Variants in FCHO2 observed in about 807,000 individuals in gnomAD.
The protein encoded by FCHO2 is F-BAR domain only protein 2.
Under a neutral mutation model 114.1 loss-of-function variants are expected in FCHO2, and 43 were observed. That is an observed-to-expected ratio of 0.38 (90% CI 0.30 to 0.49). The LOEUF (loss-of-function observed/expected upper bound fraction) is 0.49. Ranked by LOEUF, FCHO2 falls within the 20% of genes least tolerant of loss-of-function variation. The pLI, the probability that FCHO2 is intolerant of heterozygous loss-of-function variation, is 0.97. For missense variants in FCHO2, 807 were observed against 950.4 expected, an observed-to-expected ratio of 0.85 and a Z score of 1.98; for synonymous variants, 293 against 315.2, an observed-to-expected ratio of 0.93 and a Z score of 0.75.
chr5:73,015,323 C>T (rs1230003306), intron 6 of FCHO2, among the ~76,000 whole-genome samples: 4 of 151,142 alleles, frequency 2.6e-5, no homozygotes, highest in South Asian at 4.2e-4. Context: ...AGTGCAGTGG[C>T]GTGATCTGGG....
chr5:72,973,470 A>G (rs1342090745), intron 2 of FCHO2, among the ~76,000 whole-genome samples: 3 of 151,874 alleles, frequency 2.0e-5, no homozygotes, highest in Admixed American at 6.6e-5. Flanking sequence ...TTTCTTCTAG[A>G]TTTTCTAGTT....
At chr5:73,006,655 C>G in intron 6 of FCHO2, 106 bp downstream of exon 6, 1 of 695,426 alleles carries the variant, frequency 1.4e-6, no homozygotes, top group Non-Finnish European at 2.2e-6. Flanking sequence ...TTAAAATGCA[C>G]AATCTCAATT....
chr5:72,993,613 G>T (rs1335600708), intron 5 of FCHO2, among the ~76,000 whole-genome samples: 1 of 152,062 alleles, frequency 6.6e-6, no homozygotes, highest in Admixed American at 6.6e-5. Flanking sequence ...TCAATTGATG[G>T]TATTGTATAG....
At chr5:73,085,738 G>A (rs1027569158) in intron 24 of FCHO2, among the ~76,000 whole-genome samples, 1 of 151,536 alleles carries the variant, frequency 6.6e-6, no homozygotes, top group African/African-American at 2.4e-5. Context: ...TTGCACCACT[G>A]TATTCCAGCT....
In FCHO2 at chr5:72,990,789, G is replaced by C; in HGVS notation, c.420G>C (p.Lys140Asn). Residue 140 changes from lysine (K) to asparagine (N), a missense_variant, in exon 5 of 26, where the codon AAG (lysine) becomes AAC (asparagine). Transcript: ENST00000430046. ...TAACTCAGGCCCTCCAGAAATCCAA[G>C]GAAAATTACAATGCCAAGTGTGTAG... ...QSITQALQKS[K>N]ENYNAKCVEQ... 6.4e-7 allele frequency: 1 copy of C among 1,553,494 alleles called. No individual in the cohort carries two copies. The highest frequency in any genetic ancestry group is 8.7e-7 in the Non-Finnish European group (1 of 1,147,880).
chr5:73,028,468 C>T lies in FCHO2; in HGVS notation c.797-6189C>T, dbSNP rs138801208. On this transcript the variant is annotated intron_variant, in intron 8 of 25. Transcript: ENST00000430046. Reference sequence around the variant, plus strand: ...GTAGTAGCTCCAAACTGTAAACAACCCAAATGTCCATTAACAGATGAACGG... The same window carrying T: ...GTAGTAGCTCCAAACTGTAAACAACTCAAATGTCCATTAACAGATGAACGG... 3.5e-3 allele frequency among the ~76,000 whole-genome samples: 538 copies of T among 152,048 alleles called. 5 individuals carry two copies. The highest frequency in any genetic ancestry group is 0.013 in the African/African-American group (523 of 41,478).
intron 11 of FCHO2, among the ~76,000 whole-genome samples, chr5:73,046,247 A>C (rs935566661): frequency 2.6e-5 from 4 of 151,908 alleles, no homozygotes; most frequent in Non-Finnish European, 5.9e-5. Flanking sequence ...TTTATTTTTG[A>C]GTAGAGACAA....
In FCHO2 at chr5:72,963,902, G is replaced by GT. The variant is rs70973214; in HGVS notation, c.34-4569dup. Among the ~76,000 whole-genome samples, 423 of 95,698 alleles carry GT rather than the reference G, an allele frequency of 4.4e-3. 23 individuals are homozygous for GT. The highest frequency in any genetic ancestry group is 5.7e-3 in the African/African-American group (137 of 23,876). The allele number at this position is 95,698 out of a possible 152,430, so 62.8% of individuals were successfully genotyped here. A position where few individuals can be genotyped will look rare whatever the true frequency, so the allele number is the denominator to read the frequency against. On this transcript the variant is annotated intron_variant, in intron 1 of 25. Transcript: ENST00000430046. ...TTCCCATTTTGTATGGGAACTTTCA[G>GT]TTTTTTTTTTTTTTTTTTTTTTTTT...
At chr5:73,075,321 A>G (rs1297728326) in intron 20 of FCHO2, among the ~76,000 whole-genome samples, 1 of 152,294 alleles carries the variant, frequency 6.6e-6, no homozygotes, top group Admixed American at 6.5e-5. Context: ...GTTGAAAGAC[A>G]TGGAGGAGCA....
At chr5:73,052,612 G>A in intron 13 of FCHO2, 105 bp downstream of exon 13, 1 of 890,668 alleles carries the variant, frequency 1.1e-6, no homozygotes, top group Non-Finnish European at 1.7e-6. Flanking sequence ...TGTTGACTGA[G>A]GAAATACTTA....
intron 2 of FCHO2, among the ~76,000 whole-genome samples, chr5:72,970,743 A>G (rs1752498360): frequency 6.6e-6 from 1 of 151,522 alleles, no homozygotes; most frequent in African/African-American, 2.4e-5. Context: ...GTACACGTGC[A>G]CAATGTGCAG....
intron 5 of FCHO2, chr5:72,997,786 C>G: frequency 1.5e-6 from 2 of 1,291,096 alleles, no homozygotes; most frequent in Non-Finnish European, 2.0e-6. Context: ...GGAAGCCCTA[C>G]ACTCCACTTG....
chr5:73,046,356 C>T (rs1049530889), intron 11 of FCHO2, among the ~76,000 whole-genome samples: 3 of 152,110 alleles, frequency 2.0e-5, no homozygotes, highest in African/African-American at 4.8e-5. Context: ...CCTGAGCCAC[C>T]GTGCCTGGCC....
chr5:72,978,231 T>C (rs909109643), intron 2 of FCHO2, among the ~76,000 whole-genome samples: 8 of 152,246 alleles, frequency 5.3e-5, no homozygotes, highest in Non-Finnish European at 1.2e-4. Flanking sequence ...TGATTCTTCC[T>C]ATGCATGAGC....
intron 7 of FCHO2, 41 bp downstream of exon 7, chr5:73,015,765 T>G (rs748574463): frequency 7.7e-7 from 1 of 1,304,458 alleles, no homozygotes; most frequent in Non-Finnish European, 1.0e-6. Context: ...CATGAAAAAT[T>G]TGTTTATTTA....
At chr5:72,982,384 G>A (rs1361438696) in intron 2 of FCHO2, among the ~76,000 whole-genome samples, 2 of 152,140 alleles carry the variant, frequency 1.3e-5, no homozygotes, top group African/African-American at 2.4e-5. Context: ...CCCTTATTGG[G>A]TTTTAAGAGT....
intron 2 of FCHO2, among the ~76,000 whole-genome samples, chr5:72,981,699 C>A (rs1480264400): frequency 1.3e-5 from 2 of 152,150 alleles, no homozygotes; most frequent in African/African-American, 2.4e-5. Flanking sequence ...TTAAGTTGAT[C>A]TTCAGTCTAT....
chr5:73,058,665 T>TA (rs2112852184), intron 17 of FCHO2, 141 bp downstream of exon 17: 2 of 402,702 alleles, frequency 5.0e-6, no homozygotes, highest in African/African-American at 4.1e-5. Flanking sequence ...AAAGTGATTT[T>TA]ATTCTGGTTT....
chr5:73,068,678 C>T lies in FCHO2; in HGVS notation c.1478C>T (p.Ser493Phe), dbSNP rs1742483470. Residue 493 changes from serine (S) to phenylalanine (F), a missense_variant, in exon 19 of 26, where the codon TCC becomes TTC. By Grantham distance (155) the Ser-to-Phe change is radical (BLOSUM62 -2). Coordinates refer to ENST00000430046, the MANE Select transcript of FCHO2 (RefSeq NM_138782.3). ...IPRPFSPPVTSNTSPPPAAPL... is the reference protein window; with the variant it reads ...IPRPFSPPVTFNTSPPPAAPL... Reference sequence around the variant, plus strand: ...AGGCCATTCAGCCCACCTGTAACTTCCAACACCAGCCCACCTCCTGCTGCA... The same window carrying T: ...AGGCCATTCAGCCCACCTGTAACTTTCAACACCAGCCCACCTCCTGCTGCA... The T allele has an allele frequency of 1.2e-6, 2 of 1,612,056 alleles. No homozygotes were observed. Among genetic ancestry groups the T allele is most frequent in the East Asian group, 4.5e-5 (2 of 44,802 alleles).
Sources: gnomAD v4.1 joint callset for allele counts (sites outside exome capture counted in the v4.1 genomes callset) on GRCh38, gnomAD v4.1.1 for gene constraint, MANE v1.5 for transcripts, NCBI Gene and HGNC (gene_info 2026-07-23, HGNC 2026-07-21) for gene names.